Variants in NAIF1 observed in about 807,000 individuals in gnomAD.
The protein encoded by NAIF1 is nuclear apoptosis-inducing factor 1.
In NAIF1, 14 loss-of-function variants were observed where a neutral mutation model predicts 20.7. The observed-to-expected ratio is 0.67, with a 90% CI of 0.45 to 1.05. The LOEUF (loss-of-function observed/expected upper bound fraction) is 1.05, where lower values mean the gene tolerates loss of function less well. Among genes scored for constraint, NAIF1 ranks in the 50% least tolerant of loss-of-function variants. The probability of loss-of-function intolerance (pLI) is 0.00; values close to 1 mark genes in which losing one functional copy is unlikely to be tolerated. For missense variants in NAIF1, 362 were observed against 448.8 expected (o/e 0.81, Z 1.75); for synonymous variants, 191 against 191.4 (o/e 1.00, Z 0.02).
rs1282488355 is a variant in NAIF1 at position 128,063,381 on chromosome 9, T to C, written c.*47A>G. On this transcript the variant is annotated 3_prime_UTR_variant, in exon 2 of 2. Transcript: ENST00000373078. This position sits in a 1 kb window ranked among gnomAD's most constrained non-coding sequence, Gnocchi z 4.3. The stretch of plus-strand genomic sequence containing the variant: ...ATCACAGGACCCACTTACAAGTCCA[T>C]GGAGTTTTCATCCCATCATGGCAGA... 2 of 1,542,654 alleles carry C rather than the reference T, an allele frequency of 1.3e-6. No homozygotes were observed. The highest frequency in any genetic ancestry group is 2.3e-5 in the South Asian group (2 of 86,800).
In NAIF1 at chr9:128,063,511, G is replaced by A; in HGVS notation, c.901C>T (p.Gln301Ter). The stretch of plus-strand genomic sequence containing the variant: ...GGGGCCGGGTTAGCTGTGTTGCTCT[G>A]CAGGTAGCGGCGGAAATCTTTGATC... ...PMIKDFRRYL[Q>*]SNTANPAPAS... Residue 301 changes from glutamine to a stop codon, truncating the protein, a stop_gained, in exon 2 of 2, where the codon CAG becomes TAG. Coordinates refer to ENST00000373078, the MANE Select transcript of NAIF1 (RefSeq NM_197956.4). LOFTEE classifies it high-confidence loss of function. This position sits in a 1 kb window ranked among gnomAD's most constrained non-coding sequence, Gnocchi z 4.3. The A allele has an allele frequency of 6.2e-7, 1 of 1,609,924 alleles. No individual in the cohort carries two copies. Among genetic ancestry groups the A allele is most frequent in the Non-Finnish European group, 8.5e-7 (1 of 1,180,022 alleles).
In NAIF1 at chr9:128,067,109, C is replaced by T; in HGVS notation, c.-8G>A. On this transcript the variant is annotated 5_prime_UTR_variant, in exon 1 of 2. Coordinates refer to ENST00000373078, the MANE Select transcript of NAIF1 (RefSeq NM_197956.4). ...CTTGGCTGGGACGGCCATGGCCTCT[C>T]CCCTCCCCTCTTTTTAAAGAAATTA... 8 of 1,571,970 alleles carry T rather than the reference C, an allele frequency of 5.1e-6. No individual in the cohort carries two copies. Among genetic ancestry groups the T allele is most frequent in the Non-Finnish European group, 6.9e-6 (8 of 1,155,280 alleles).
At position 128,067,276 on chromosome 9, in the gene NAIF1, G is replaced by T. The variant is rs1564173542; in HGVS notation, c.-175C>A. 5.4e-6 allele frequency: 4 copies of T among 742,504 alleles called. No individual in the cohort carries two copies. Among genetic ancestry groups the T allele is most frequent in the African/African-American group, 3.6e-5 (2 of 56,266 alleles). 46.0% of individuals were successfully genotyped at this position (742,504 alleles called of 1,614,324 possible). On this transcript the variant is annotated 5_prime_UTR_variant, in exon 1 of 2. Coordinates refer to ENST00000373078, the MANE Select transcript of NAIF1 (RefSeq NM_197956.4). ...CCCCCTCGCTACGCAAAGTGCGTAG[G>T]GCCCAGCCCCGACCGGCCCGGCCGC... is the stretch of plus-strand genomic sequence containing the variant.
chr9:128,063,733 C>A lies in NAIF1; in HGVS notation c.679G>T (p.Ala227Ser). Residue 227 changes from alanine (A) to serine (S), a missense_variant, in exon 2 of 2, where the codon GCC becomes TCC. This residue lies in a region of NAIF1 where 300 missense variants were observed against 342.7 expected (regional missense o/e 0.88). Transcript: ENST00000373078. This position sits in a 1 kb window ranked among gnomAD's most constrained non-coding sequence, Gnocchi z 4.3. Reference sequence around the variant, plus strand: ...ACCCGCTGCTCCTGTATCAGCTTGGCGGAGTTGAGAGCAATGCGGCTCTTG... The same window carrying A: ...ACCCGCTGCTCCTGTATCAGCTTGGAGGAGTTGAGAGCAATGCGGCTCTTG... ...ALKSRIALNS[A>S]KLIQEQRVTN... 6.2e-7 allele frequency: 1 copy of A among 1,614,208 alleles called. No homozygotes were observed. The highest frequency in any genetic ancestry group is 1.1e-5 in the South Asian group (1 of 91,090).
At chr9:128,065,273 A>G (rs929677592) in intron 1 of NAIF1, among the ~76,000 whole-genome samples, 5 of 151,756 alleles carry the variant, frequency 3.3e-5, no homozygotes, top group Admixed American at 1.3e-4. Flanking sequence ...CCCACCTCCA[A>G]GCCTGGGTAA....
rs750746109 is a variant in NAIF1, at chr9:128,066,837, C to A, written c.265G>T (p.Ala89Ser). Residue 89 changes from alanine to serine, a missense_variant, in exon 1 of 2, where the codon GCC (alanine) becomes TCC (serine). Around this residue, in one of 3 missense-constraint regions of NAIF1, gnomAD observed 300 missense variants for 342.7 expected, o/e 0.88. Coordinates refer to ENST00000373078, the MANE Select transcript of NAIF1 (RefSeq NM_197956.4). ...VRRKVAQVRAAVEGGEAPGPT... is the reference protein window; with the variant it reads ...VRRKVAQVRASVEGGEAPGPT... ...CCCGGCGCCTCACCACCCTCCACGG[C>A]GGCCCGGACCTGGGCAACCTTGCGA... 2 of 1,611,786 alleles carry A rather than the reference C, an allele frequency of 1.2e-6. No individual in the cohort carries two copies. The highest frequency in any genetic ancestry group is 1.7e-6 in the Non-Finnish European group (2 of 1,179,486).
chr9:128,064,446 A>T (rs1476438527), intron 1 of NAIF1, among the ~76,000 whole-genome samples: 1 of 152,198 alleles, frequency 6.6e-6, no homozygotes. Flanking sequence ...AAAGATGTTG[A>T]TCATAATACT....
chr9:128,064,376 G>A (rs553559897), intron 1 of NAIF1, among the ~76,000 whole-genome samples: 19 of 152,188 alleles, frequency 1.2e-4, no homozygotes, highest in African/African-American at 2.2e-4. Context: ...GCGCCTGGCC[G>A]GGGTTCAGAA....
rs1242797293 is a variant in NAIF1 at position 128,067,250 on chromosome 9, C to A, written c.-149G>T. 1.0e-6 allele frequency: 1 copy of A among 973,488 alleles called. No individual in the cohort carries two copies. The highest frequency in any genetic ancestry group is 1.5e-6 in the Non-Finnish European group (1 of 677,860). The allele number at this position is 973,488 out of a possible 1,614,324, so 60.3% of individuals were successfully genotyped here. A position where few individuals can be genotyped will look rare whatever the true frequency, so the allele number is the denominator to read the frequency against. ...AGGCCAAGCACTAGGCCTTTGGTAACCCCCCTCGCTACGCAAAGTGCGTAG... is the reference window on the plus strand; with the variant it reads ...AGGCCAAGCACTAGGCCTTTGGTAAACCCCCTCGCTACGCAAAGTGCGTAG... On this transcript the variant is annotated 5_prime_UTR_variant, in exon 1 of 2. Coordinates refer to ENST00000373078, the MANE Select transcript of NAIF1 (RefSeq NM_197956.4).
At chr9:128,064,687 C>T (rs1185661916) in intron 1 of NAIF1, among the ~76,000 whole-genome samples, 2 of 152,054 alleles carry the variant, frequency 1.3e-5, no homozygotes, top group Non-Finnish European at 1.5e-5. Context: ...CTGACCTCCA[C>T]GCTGGGCTGC....
chr9:128,067,273 T>A lies in NAIF1; in HGVS notation c.-172A>T. 1.3e-6 allele frequency: 1 copy of A among 789,044 alleles called. No homozygotes were observed. Among genetic ancestry groups the A allele is most frequent in the Non-Finnish European group, 1.9e-6 (1 of 519,640 alleles). The allele number at this position is 789,044 out of a possible 1,614,324, so 48.9% of individuals were successfully genotyped here. On this transcript the variant is annotated 5_prime_UTR_variant, in exon 1 of 2. Transcript: ENST00000373078. Reference sequence around the variant, plus strand: ...AACCCCCCTCGCTACGCAAAGTGCGTAGGGCCCAGCCCCGACCGGCCCGGC... The same window carrying A: ...AACCCCCCTCGCTACGCAAAGTGCGAAGGGCCCAGCCCCGACCGGCCCGGC...
chr9:128,065,974 A>G (rs1428371172), intron 1 of NAIF1, among the ~76,000 whole-genome samples: 3 of 151,952 alleles, frequency 2.0e-5, no homozygotes, highest in African/African-American at 2.4e-5. Context: ...AGCTATTCCT[A>G]TATGTGTCAT....
intron 1 of NAIF1, among the ~76,000 whole-genome samples, chr9:128,065,110 CT>C (rs531413208): frequency 4.9e-4 from 64 of 130,378 alleles, no homozygotes; most frequent in African/African-American, 1.0e-3. Context: ...ATGCTTTCTG[CT>C]TTTTTTTTTT....
In NAIF1 at chr9:128,063,407, A is replaced by C. The variant is rs779246086; in HGVS notation, c.*21T>G. On this transcript the variant is annotated 3_prime_UTR_variant, in exon 2 of 2. Transcript: ENST00000373078. This position sits in a 1 kb window ranked among gnomAD's most constrained non-coding sequence, Gnocchi z 4.3. ...GGAGTTTTCATCCCATCATGGCAGAAGGCTGGCCTGACCCCTGCCCTCACT... is the reference window on the plus strand; with the variant it reads ...GGAGTTTTCATCCCATCATGGCAGACGGCTGGCCTGACCCCTGCCCTCACT... 1.3e-6 allele frequency: 2 copies of C among 1,590,904 alleles called. No homozygotes were observed. Among genetic ancestry groups the C allele is most frequent in the East Asian group, 4.5e-5 (2 of 44,606 alleles).
At position 128,067,045 on chromosome 9, in the gene NAIF1, G is replaced by T; in HGVS notation, c.57C>A (p.Ile19=). 2 of 1,613,490 alleles carry T rather than the reference G, an allele frequency of 1.2e-6. No individual in the cohort carries two copies. Among genetic ancestry groups the T allele is most frequent in the Non-Finnish European group, 8.5e-7 (1 of 1,179,538 alleles). The change falls in exon 1 of 2, where the codon ATC becomes ATA. Residue 19 remains isoleucine, a synonymous_variant. Transcript: ENST00000373078. The part of the protein sequence containing the change: ...KMNFSEREVE[I]IVEELELKKH... ...TCTTCAGCTCCAGCTCCTCCACGAT[G>T]ATCTCCACCTCCCGCTCTGAGAAGT...
Position 128,065,588 on chromosome 9 carries a change from C to T in NAIF1, c.511+1003G>A, listed in dbSNP as rs377238188. Among the ~76,000 whole-genome samples, 8 of 152,114 alleles carry T rather than the reference C, an allele frequency of 5.3e-5. No homozygotes were observed. The East Asian group carries it at 1.2e-3, about 22-fold the overall frequency. On this transcript the variant is annotated intron_variant, in intron 1 of 1. Coordinates refer to ENST00000373078, the MANE Select transcript of NAIF1 (RefSeq NM_197956.4). ...GTTCCAGAACAGCATCTGACCTAGA[C>T]CCGTGTTTGTCCCCCTTACCCCACC...
Position 128,066,696 on chromosome 9 carries a change from G to A in NAIF1, c.406C>T (p.Leu136=), listed in dbSNP as rs898433300. 6.2e-7 allele frequency: 1 copy of A among 1,610,804 alleles called. No homozygotes were observed. Among genetic ancestry groups the A allele is most frequent in the Non-Finnish European group, 8.5e-7 (1 of 1,178,332 alleles). The stretch of plus-strand genomic sequence containing the variant: ...AGGCTGATGATGGTGGCCTCGCCCA[G>A]CAGGTTGCAGATACGTTGTTGCATG... ...TPMQQRICNL[L]GEATIISLPS... is the part of the protein sequence containing the mutation. Residue 136 remains leucine, a synonymous_variant, in exon 1 of 2, where the codon CTG becomes TTG. Coordinates refer to ENST00000373078, the MANE Select transcript of NAIF1 (RefSeq NM_197956.4).
In NAIF1 at chr9:128,065,715, G is replaced by A. The variant is rs74354785; in HGVS notation, c.511+876C>T. ...AGAATCACTGAATGATCCAGCTCAC[G>A]GTCATCACAAACGAGCAGAGGTAAC... On this transcript the variant is annotated intron_variant, in intron 1 of 1. Coordinates refer to ENST00000373078, the MANE Select transcript of NAIF1 (RefSeq NM_197956.4). Among the ~76,000 whole-genome samples, 648 of 151,054 alleles carry A rather than the reference G, an allele frequency of 4.3e-3. 5 individuals are homozygous for A. Among genetic ancestry groups the A allele is most frequent in the Admixed American group, 0.013 (202 of 15,012 alleles).
chr9:128,065,500 AC>A (rs763524940), intron 1 of NAIF1, among the ~76,000 whole-genome samples: 17 of 152,184 alleles, frequency 1.1e-4, no homozygotes, highest in East Asian at 7.7e-4. Flanking sequence ...TAGCTAAAGT[AC>A]CCAGTCAATG....
Sources: gnomAD v4.1 joint callset for allele counts (sites outside exome capture counted in the v4.1 genomes callset) on GRCh38, gnomAD v4.1.1 for gene constraint, gnomAD v4.1.1 regional missense constraint, Gnocchi (gnomAD v3.1) non-coding constraint, MANE v1.5 for transcripts, NCBI Gene and HGNC (gene_info 2026-07-23, HGNC 2026-07-21) for gene names.